CIMIP2C: variants seen among roughly 807,000 people sequenced by gnomAD.
CIMIP2C encodes UPF0573 protein C2orf70.
At chr2:26,572,721 G>A in the CIMIP2C span, among the ~76,000 whole-genome samples, 4 of 152,200 alleles carry the variant, frequency 2.6e-5, no homozygotes, top group South Asian at 8.3e-4. Context: ...CAGGCGCTGG[G>A]GCCGGCCTCC....
At chr2:26,574,141 C>T in the CIMIP2C span, among the ~76,000 whole-genome samples, 2 of 152,100 alleles carry the variant, frequency 1.3e-5, no homozygotes, top group East Asian at 1.9e-4. Context: ...TAGATGGCTG[C>T]GATGACTCTG....
the CIMIP2C span, chr2:26,577,926 G>A: frequency 3.0e-5 from 12 of 396,996 alleles, no homozygotes; most frequent in East Asian, 3.2e-4. Context: ...CTGATGCCCC[G>A]CCTGCAAAGG....
At chr2:26,575,908 G>T in the CIMIP2C span, 6 of 1,612,354 alleles carry the variant, frequency 3.7e-6, no homozygotes, top group Non-Finnish European at 3.4e-6. Flanking sequence ...GCAGGTACCA[G>T]GGCCACGTCC....
chr2:26,562,721 TCCACTAGCGCCCTC>T, the CIMIP2C span: 1 of 1,530,234 alleles, frequency 6.5e-7, no homozygotes, highest in Non-Finnish European at 8.9e-7. Flanking sequence ...CCCTCCCCCT[TCCACTAGCGCCCTC>T]CTCGGTGATC....
the CIMIP2C span, among the ~76,000 whole-genome samples, chr2:26,569,048 A>G: frequency 6.6e-6 from 1 of 151,796 alleles, no homozygotes; most frequent in Non-Finnish European, 1.5e-5. Flanking sequence ...AAAAAGAAAA[A>G]CAATATGAAC....
chr2:26,579,347 A>C, the CIMIP2C span: 1 of 1,614,028 alleles, frequency 6.2e-7, no homozygotes, highest in Non-Finnish European at 8.5e-7. Flanking sequence ...GCCCCCGAGA[A>C]CCTGAAGACC....
At chr2:26,574,199 G>C in the CIMIP2C span, among the ~76,000 whole-genome samples, 1 of 152,148 alleles carries the variant, frequency 6.6e-6, no homozygotes, top group East Asian at 1.9e-4. Context: ...GCTGGGCCCG[G>C]GTCAGATCAC....
the CIMIP2C span, among the ~76,000 whole-genome samples, chr2:26,571,653 T>C: frequency 6.6e-6 from 1 of 152,306 alleles, no homozygotes; most frequent in Admixed American, 6.5e-5. Context: ...AAGCCACAAA[T>C]CACCCGAAAT....
the CIMIP2C span, among the ~76,000 whole-genome samples, chr2:26,573,093 T>C: frequency 0.15 from 22,960 of 152,226 alleles, 1,865 homozygotes; most frequent in Non-Finnish European, 0.19. Context: ...GGACATTGGA[T>C]TTGGCAACAG....
At chr2:26,565,946 G>A in the CIMIP2C span, among the ~76,000 whole-genome samples, 8 of 152,206 alleles carry the variant, frequency 5.3e-5, no homozygotes, top group Non-Finnish European at 7.3e-5. Context: ...GCCTGCCTAC[G>A]CCTGGCCTGG....
chr2:26,576,196 C>G, the CIMIP2C span: 3 of 1,598,900 alleles, frequency 1.9e-6, no homozygotes, highest in South Asian at 3.3e-5. Flanking sequence ...TGGGGCTGCC[C>G]TGTGGCCTCC....
chr2:26,568,749 G>A, the CIMIP2C span, among the ~76,000 whole-genome samples: 9 of 152,244 alleles, frequency 5.9e-5, no homozygotes, highest in Non-Finnish European at 1.2e-4. Flanking sequence ...GTGAACTGAG[G>A]CCAGGTGCGG....
chr2:26,576,166 T>C, the CIMIP2C span: 1 of 1,613,040 alleles, frequency 6.2e-7, no homozygotes, highest in Admixed American at 1.7e-5. Context: ...AGCTTACGAA[T>C]TTCTACCAGG....
the CIMIP2C span, among the ~76,000 whole-genome samples, chr2:26,566,436 G>A: frequency 0.016 from 2,445 of 152,350 alleles, 76 homozygotes; most frequent in African/African-American, 0.056. Flanking sequence ...ACACGGTGGT[G>A]TACTGACAAA....
At chr2:26,572,007 A>C in the CIMIP2C span, 1 of 1,118,150 alleles carries the variant, frequency 8.9e-7, no homozygotes, top group Non-Finnish European at 1.2e-6. Flanking sequence ...ATCACAAGAG[A>C]TATTAGTACA....
chr2:26,564,132 C>T, the CIMIP2C span, among the ~76,000 whole-genome samples: 3 of 152,244 alleles, frequency 2.0e-5, no homozygotes, highest in Non-Finnish European at 2.9e-5. Flanking sequence ...AGGTTTAGTT[C>T]AAATCCATTT....
the CIMIP2C span, chr2:26,579,400 C>T: frequency 1.5e-5 from 24 of 1,613,808 alleles, no homozygotes; most frequent in Middle Eastern, 1.6e-4. Context: ...TCCACAGGAG[C>T]GGAAAAAGAG....
the CIMIP2C span, among the ~76,000 whole-genome samples, chr2:26,570,310 T>C: frequency 1.4e-4 from 21 of 152,216 alleles, no homozygotes; most frequent in Non-Finnish European, 3.1e-4. Context: ...GGCGGGATGC[T>C]TCATGCCAGC....
chr2:26,565,121 G>A, the CIMIP2C span, among the ~76,000 whole-genome samples: 2 of 129,648 alleles, frequency 1.5e-5, no homozygotes, highest in Non-Finnish European at 3.2e-5. Context: ...ATGGAGTCTT[G>A]CTCTGTTGCC....
Sources: gnomAD v4.1 joint callset for allele counts (sites outside exome capture counted in the v4.1 genomes callset) on GRCh38, gnomAD v4.1.1 for gene constraint, MANE v1.5 for transcripts, NCBI Gene and HGNC (gene_info 2026-07-23, HGNC 2026-07-21) for gene names.